Variants in DPF3 observed in about 807,000 individuals in gnomAD.
DPF3 encodes zinc finger protein DPF3.
In DPF3, 18 loss-of-function variants were observed where a neutral mutation model predicts 56.8. The observed-to-expected ratio is 0.32, with a 90% confidence interval of 0.22 to 0.47. The LOEUF (loss-of-function observed/expected upper bound fraction) is 0.47. DPF3 is among the 20% of genes least tolerant of loss of function. DPF3 has a pLI of 1.00. For synonymous variants in DPF3, 188 were observed against 180.2 expected (o/e 1.04, Z -0.35); for missense variants, 403 against 488.8 (o/e 0.82, Z 1.65).
rs185364714 is a variant in DPF3, at chr14:72,845,931, G to A, written c.32+48126C>T. ...TTGTCAGTGCAGCACCCGGCAGGGC[G>A]ATTTTTACATTTTTCTCCTCTTGCT... On this transcript the variant is annotated intron_variant, in intron 1 of 10. Transcript: ENST00000556509. Among the ~76,000 whole-genome samples, 752 of 152,134 alleles carry A rather than the reference G, an allele frequency of 4.9e-3. 6 individuals carry two copies. The highest frequency in any genetic ancestry group is 0.025 in the South Asian group (119 of 4,808).
At chr14:72,799,747 C>G (rs2139998404) in intron 1 of DPF3, among the ~76,000 whole-genome samples, 2 of 152,162 alleles carry the variant, frequency 1.3e-5, no homozygotes, top group Admixed American at 1.3e-4. Context: ...AGAGTCAATC[C>G]TGGAACTTCT....
At position 72,875,011 on chromosome 14, in the gene DPF3, A is replaced by G. The variant is rs186841567; in HGVS notation, c.32+19046T>C. On this transcript the variant is annotated intron_variant, in intron 1 of 10. Transcript: ENST00000556509. ...TCGGAATCATGGCAGGAAGTGAAAG[A>G]CACTTCTTATATGGCAGCAGCAAGA... Among the ~76,000 whole-genome samples the G allele has an allele frequency of 1.1e-3, 171 of 152,330 alleles. 1 individual carries two copies. The highest frequency in any genetic ancestry group is 0.011 in the South Asian group (53 of 4,822).
chr14:72,875,237 T>C (rs1218103310), intron 1 of DPF3, among the ~76,000 whole-genome samples: 1 of 152,022 alleles, frequency 6.6e-6, no homozygotes, highest in African/African-American at 2.4e-5. Flanking sequence ...CCAAACCATA[T>C]CACTACTAAA....
chr14:72,873,636 C>T (rs573141443), intron 1 of DPF3, among the ~76,000 whole-genome samples: 88 of 152,148 alleles, frequency 5.8e-4, no homozygotes, highest in African/African-American at 1.8e-3. Context: ...ATGTTTATTG[C>T]GGCACTATTC....
chr14:72,746,099 C>T (rs907966087), intron 3 of DPF3, among the ~76,000 whole-genome samples: 4 of 152,228 alleles, frequency 2.6e-5, no homozygotes, highest in African/African-American at 9.6e-5. Context: ...CGTCCACCCC[C>T]CAGGGGGCAC....
intron 5 of DPF3, among the ~76,000 whole-genome samples, chr14:72,716,962 G>GC (rs1295297424): frequency 3.3e-5 from 5 of 152,032 alleles, no homozygotes; most frequent in African/African-American, 1.2e-4. Flanking sequence ...CCTCCACACT[G>GC]CCCCCCTAGT....
intron 1 of DPF3, among the ~76,000 whole-genome samples, chr14:72,828,685 G>C (rs1008618708): frequency 2.6e-5 from 4 of 152,160 alleles, no homozygotes; most frequent in Non-Finnish European, 4.4e-5. Flanking sequence ...AAGGGCAAAG[G>C]CTGAGAAAGA....
chr14:72,819,405 C>G (rs539021374), intron 1 of DPF3, among the ~76,000 whole-genome samples: 1 of 152,052 alleles, frequency 6.6e-6, no homozygotes, highest in Non-Finnish European at 1.5e-5. Flanking sequence ...CACAGATGCT[C>G]GTGGCAACTT....
chr14:72,668,327 C>G (rs1162862632), intron 8 of DPF3, among the ~76,000 whole-genome samples: 1 of 152,216 alleles, frequency 6.6e-6, no homozygotes, highest in African/African-American at 2.4e-5. Context: ...AAGATTTGAA[C>G]TTGATCATCT....
chr14:72,828,636 G>A (rs904184742), intron 1 of DPF3, among the ~76,000 whole-genome samples: 1 of 151,878 alleles, frequency 6.6e-6, no homozygotes, highest in Non-Finnish European at 1.5e-5. Flanking sequence ...AGAAGAGTGA[G>A]CCATCTGGGG....
chr14:72,797,290 CA>C (rs1480289941), intron 1 of DPF3, among the ~76,000 whole-genome samples: 4 of 152,066 alleles, frequency 2.6e-5, no homozygotes, highest in Non-Finnish European at 5.9e-5. Context: ...TTAACCAGCC[CA>C]AATCAGAAGA....
At chr14:72,885,840 G>T (rs1170841926) in intron 1 of DPF3, among the ~76,000 whole-genome samples, 2 of 152,206 alleles carry the variant, frequency 1.3e-5, no homozygotes, top group East Asian at 3.8e-4. Flanking sequence ...CAAAAAGTGG[G>T]CTATCCATAC....
chr14:72,855,582 G>A (rs1010854333), intron 1 of DPF3, among the ~76,000 whole-genome samples: 4 of 152,306 alleles, frequency 2.6e-5, no homozygotes, highest in Non-Finnish European at 5.9e-5. Context: ...GACATAGAAC[G>A]CCTTGTCATG....
chr14:72,805,201 T>C (rs529207544), intron 1 of DPF3, among the ~76,000 whole-genome samples: 1 of 152,334 alleles, frequency 6.6e-6, no homozygotes, highest in South Asian at 2.1e-4. Context: ...CTGGGCACAG[T>C]GGCTCACACC....
At chr14:72,674,507 C>A in intron 7 of DPF3, 139 bp from the exon 8 acceptor site, 1 of 1,297,138 alleles carries the variant, frequency 7.7e-7, no homozygotes, top group South Asian at 1.6e-5. Context: ...AATTGGGCTA[C>A]GCTTTCTTTT....
chr14:72,794,048 C>T (rs79343086), intron 1 of DPF3, among the ~76,000 whole-genome samples: 12,512 of 152,262 alleles, frequency 0.082, 775 homozygotes, highest in South Asian at 0.21. Context: ...GGCAGCAAAG[C>T]GCTTCAGTGA....
intron 1 of DPF3, among the ~76,000 whole-genome samples, chr14:72,822,972 C>T (rs79580332): frequency 5.3e-5 from 8 of 152,190 alleles, no homozygotes; most frequent in African/African-American, 4.8e-5. Context: ...CAGAAGCCCT[C>T]GCTCCCATCG....
intron 1 of DPF3, among the ~76,000 whole-genome samples, chr14:72,874,803 C>T (rs1886045390): frequency 6.6e-6 from 1 of 152,248 alleles, no homozygotes; most frequent in Admixed American, 6.5e-5. Context: ...CTGTTCCAAT[C>T]TCTGCCTGTT....
intron 1 of DPF3, among the ~76,000 whole-genome samples, chr14:72,828,156 ATTTTCCCTCCT>A (rs924097065): frequency 1.3e-5 from 2 of 152,018 alleles, no homozygotes; most frequent in African/African-American, 4.8e-5. Flanking sequence ...TCCACTTTAA[ATTTTCCCTCCT>A]TTCTCCATTT....
Sources: gnomAD v4.1 joint callset for allele counts (sites outside exome capture counted in the v4.1 genomes callset) on GRCh38, gnomAD v4.1.1 for gene constraint, MANE v1.5 for transcripts, NCBI Gene and HGNC (gene_info 2026-07-23, HGNC 2026-07-21) for gene names.